PDE10A: variants seen among roughly 807,000 people sequenced by gnomAD.
PDE10A encodes the protein phosphodiesterase 10A.
PDE10A carries 39 observed loss-of-function variants against 97.7 expected under a neutral mutation model. The observed-to-expected ratio is 0.40, with a 90% confidence interval of 0.31 to 0.52. PDE10A has a LOEUF of 0.52. PDE10A is among the 20% of genes least tolerant of loss of function. PDE10A has a pLI of 0.56. For synonymous variants in PDE10A, 371 were observed against 376.8 expected, an observed-to-expected ratio of 0.98 and a Z score of 0.18; for missense variants, 731 against 1,047.8, an observed-to-expected ratio of 0.70 and a Z score of 4.17.
chr6:165,938,397 A>G (rs949167247), intron 1 of PDE10A, among the ~76,000 whole-genome samples: 3 of 152,376 alleles, frequency 2.0e-5, no homozygotes, highest in African/African-American at 7.2e-5. Context: ...TTTCATTAAA[A>G]TGGCTATTCT....
At chr6:165,450,413 CA>C (rs1562479044) in intron 3 of PDE10A, 51 bp from the exon 4 acceptor site, 1 of 1,110,686 alleles carries the variant, frequency 9.0e-7, no homozygotes, top group South Asian at 1.7e-5. Flanking sequence ...TAAAATATAA[CA>C]AAAATTCCTT....
At chr6:165,623,495 G>GCA (rs1162968850) in intron 1 of PDE10A, among the ~76,000 whole-genome samples, 2 of 129,978 alleles carry the variant, frequency 1.5e-5, no homozygotes, top group Admixed American at 1.4e-4. Flanking sequence ...GATGACAGAG[G>GCA]GAGAGAGAGA....
chr6:165,526,409 C>T (rs1332103102), intron 2 of PDE10A, among the ~76,000 whole-genome samples: 1 of 152,210 alleles, frequency 6.6e-6, no homozygotes, highest in Non-Finnish European at 1.5e-5. Context: ...AGAACCCCCA[C>T]ATTGGCTCCT....
At chr6:165,886,250 C>T (rs936093461) in intron 1 of PDE10A, among the ~76,000 whole-genome samples, 1 of 149,842 alleles carries the variant, frequency 6.7e-6, no homozygotes, top group African/African-American at 2.5e-5. Context: ...CCCTGCAGAC[C>T]TGGAGTCCTG....
intron 1 of PDE10A, among the ~76,000 whole-genome samples, chr6:165,593,598 A>G (rs1786412571): frequency 6.6e-6 from 1 of 152,236 alleles, no homozygotes. Flanking sequence ...CCATTCCATC[A>G]GCAAAATCTA....
At chr6:165,656,610 T>A (rs1196510365) in intron 1 of PDE10A, among the ~76,000 whole-genome samples, 3 of 152,070 alleles carry the variant, frequency 2.0e-5, no homozygotes, top group Non-Finnish European at 4.4e-5. Context: ...GCCTAAGTAA[T>A]CCTCTCTCCT....
intron 13 of PDE10A, among the ~76,000 whole-genome samples, chr6:165,408,127 A>G (rs1324491951): frequency 6.6e-6 from 1 of 152,222 alleles, no homozygotes; most frequent in East Asian, 1.9e-4. Context: ...TGTACAAAAC[A>G]TGCTTCTATT....
At chr6:165,556,185 T>TG (rs1049670404) in intron 1 of PDE10A, among the ~76,000 whole-genome samples, 2 of 152,118 alleles carry the variant, frequency 1.3e-5, no homozygotes, top group African/African-American at 4.8e-5. Flanking sequence ...AGGACTGGGC[T>TG]GGGGGGGTCA....
chr6:165,924,196 A>G (rs1024930382), intron 1 of PDE10A, among the ~76,000 whole-genome samples: 1 of 151,966 alleles, frequency 6.6e-6, no homozygotes, highest in Non-Finnish European at 1.5e-5. Context: ...AAGTTGGATA[A>G]AATATCTCTC....
At chr6:165,858,563 C>A (rs1780813772) in intron 1 of PDE10A, among the ~76,000 whole-genome samples, 1 of 152,184 alleles carries the variant, frequency 6.6e-6, no homozygotes, top group Admixed American at 6.5e-5. Flanking sequence ...CTCAGGATTG[C>A]CCCCGAGGTC....
intron 13 of PDE10A, among the ~76,000 whole-genome samples, chr6:165,413,031 A>C (rs1323286826): frequency 1.3e-5 from 2 of 152,174 alleles, no homozygotes; most frequent in Non-Finnish European, 2.9e-5. Flanking sequence ...GGACTGAGTT[A>C]ACACCGAGAA....
intron 2 of PDE10A, among the ~76,000 whole-genome samples, chr6:165,500,320 G>A (rs986263817): frequency 2.6e-5 from 4 of 152,062 alleles, no homozygotes; most frequent in African/African-American, 7.2e-5. Context: ...CTGTGTCTAC[G>A]CAGAAAGAAG....
intron 1 of PDE10A, among the ~76,000 whole-genome samples, chr6:165,794,102 G>A (rs1358427507): frequency 3.0e-5 from 4 of 132,050 alleles, no homozygotes; most frequent in African/African-American, 1.1e-4. Context: ...ATGCAACATG[G>A]TTCTACGCAG....
intron 1 of PDE10A, among the ~76,000 whole-genome samples, chr6:165,962,145 C>T (rs1377517723): frequency 3.3e-5 from 5 of 152,232 alleles, no homozygotes; most frequent in Admixed American, 6.5e-5. Context: ...TTTGCCCCCA[C>T]GGGCAACACT....
chr6:165,712,163 T>C (rs1459416051), intron 1 of PDE10A, among the ~76,000 whole-genome samples: 5 of 152,182 alleles, frequency 3.3e-5, no homozygotes, highest in African/African-American at 4.8e-5. Flanking sequence ...GGTTCTACGA[T>C]GCTTTCCAGC....
chr6:165,515,680 T>C (rs1583447205), intron 2 of PDE10A, among the ~76,000 whole-genome samples: 1 of 152,092 alleles, frequency 6.6e-6, no homozygotes, highest in East Asian at 1.9e-4. Context: ...TGCGCCATCA[T>C]GCTTGGCTAA....
At chr6:165,365,912 T>C (rs1228018494) in intron 18 of PDE10A, among the ~76,000 whole-genome samples, 2 of 152,096 alleles carry the variant, frequency 1.3e-5, no homozygotes, top group African/African-American at 2.4e-5. Flanking sequence ...TATGTCAAAA[T>C]TAATAGATTA....
intron 2 of PDE10A, among the ~76,000 whole-genome samples, chr6:165,523,124 AAC>A (rs889965704): frequency 6.6e-5 from 10 of 152,272 alleles, no homozygotes; most frequent in Admixed American, 2.0e-4. Context: ...ATGATTACAT[AAC>A]ACAGAGAAAC....
At chr6:165,762,443 A>G in intron 1 of PDE10A, among the ~76,000 whole-genome samples, 1 of 151,994 alleles carries the variant, frequency 6.6e-6, no homozygotes, top group African/African-American at 2.4e-5. Context: ...TAAAAGGCTC[A>G]TTACAACTTA....
Sources: gnomAD v4.1 joint callset for allele counts (sites outside exome capture counted in the v4.1 genomes callset) on GRCh38, gnomAD v4.1.1 for gene constraint, MANE v1.5 for transcripts, NCBI Gene and HGNC (gene_info 2026-07-23, HGNC 2026-07-21) for gene names.